Variants in CYFIP1 observed in about 807,000 individuals in gnomAD.
CYFIP1 encodes cytoplasmic FMR1 interacting protein 1.
A neutral mutation model predicts 163.5 loss-of-function variants in CYFIP1; 58 were observed. The ratio of observed to expected loss-of-function variants is 0.35; its 90% CI spans 0.29 to 0.44. The LOEUF is 0.44. Ranked by LOEUF, CYFIP1 falls within the 20% of genes least tolerant of loss-of-function variation. The probability of loss-of-function intolerance (pLI) is 1.00; values close to 1 mark genes in which losing one functional copy is unlikely to be tolerated. For missense variants in CYFIP1, 1,338 were observed against 1,653.8 expected, an observed-to-expected ratio of 0.81 and a Z score of 3.31; for synonymous variants, 663 against 660.7, an observed-to-expected ratio of 1.00 and a Z score of -0.05.
chr15:22,979,445 G>A (rs1217514371), intron 1 of CYFIP1, among the ~76,000 whole-genome samples: 1 of 145,558 alleles, frequency 6.9e-6, no homozygotes, highest in Non-Finnish European at 1.5e-5. Context: ...GGTGCCCTCC[G>A]CCGCCAGAAA....
At chr15:22,877,292 G>A (rs1226662709) in intron 26 of CYFIP1, among the ~76,000 whole-genome samples, 1 of 152,104 alleles carries the variant, frequency 6.6e-6, no homozygotes, top group Admixed American at 6.5e-5. Context: ...TGTTCCCCCA[G>A]AGCTGAAGCA....
Position 22,873,581 on chromosome 15 carries a change from T to C in CYFIP1, c.3359A>G (p.His1120Arg), listed in dbSNP as rs749581542. 3.7e-6 allele frequency: 6 copies of C among 1,614,262 alleles called. No individual in the cohort carries two copies. The East Asian group carries it at 1.3e-4, about 36-fold the overall frequency. Residue 1120 changes from histidine (H) to arginine (R), a missense_variant, in exon 29 of 31, where the codon CAT becomes CGT. Coordinates refer to ENST00000617928, the MANE Select transcript of CYFIP1 (RefSeq NM_014608.6). The part of the protein sequence containing the change: ...RGPLPSNGVM[H>R]VDECVEFHRL... The stretch of plus-strand genomic sequence containing the variant: ...GTGAAACTCCACACACTCGTCCACA[T>C]GCATGACCCCATTGCTGGGCAGAGG...
At chr15:22,923,608 C>A (rs2061258331) in intron 13 of CYFIP1, among the ~76,000 whole-genome samples, 1 of 151,774 alleles carries the variant, frequency 6.6e-6, no homozygotes, top group South Asian at 2.1e-4. Context: ...GCTATACAAT[C>A]AAAAGAAATG....
rs2142017209 is a variant in CYFIP1 at position 22,904,195 on chromosome 15, C to T, written c.2389-290G>A. The T allele has an allele frequency of 8.0e-6, 4 of 498,792 alleles. No homozygotes were observed. The South Asian group carries it at 8.7e-5, about 11-fold the overall frequency. 30.9% of individuals were successfully genotyped at this position (498,792 alleles called of 1,614,324 possible). A position where few individuals can be genotyped will look rare whatever the true frequency, so the allele number is the denominator to read the frequency against. On this transcript the variant is annotated intron_variant, in intron 21 of 30. Coordinates refer to ENST00000617928, the MANE Select transcript of CYFIP1 (RefSeq NM_014608.6). ...TGCACGTGTGGCCTGCTACTGCCAC[C>T]CTTCCCCCCATGTGCCCGCTGAGCC...
chr15:22,935,018 C>T lies in CYFIP1; in HGVS notation c.901-1125G>A, dbSNP rs190412078. ...GCTTCAAATTTTTTAAATGTCCATT[C>T]TCTCAAAATAGATCTATAATCAATC... On this transcript the variant is annotated intron_variant, in intron 9 of 30. Transcript: ENST00000617928. 1.2e-3 allele frequency among the ~76,000 whole-genome samples: 181 copies of T among 152,228 alleles called. 1 individual carries two copies. The highest frequency in any genetic ancestry group is 4.2e-3 in the African/African-American group (175 of 41,536).
At chr15:22,945,560 G>A (rs1174078899) in intron 3 of CYFIP1, among the ~76,000 whole-genome samples, 1 of 151,412 alleles carries the variant, frequency 6.6e-6, no homozygotes, top group African/African-American at 2.4e-5. Flanking sequence ...TTTATTTAGT[G>A]AGACGTTCAT....
chr15:22,928,520 G>C (rs1228056046), intron 11 of CYFIP1, among the ~76,000 whole-genome samples: 2 of 152,228 alleles, frequency 1.3e-5, no homozygotes, highest in African/African-American at 4.8e-5. Context: ...CAGAGCAAGG[G>C]ACAGGCCGCT....
Position 22,892,918 on chromosome 15 carries a change from G to A in CYFIP1, c.2648C>T (p.Ala883Val), listed in dbSNP as rs764624848. The A allele has an allele frequency of 3.7e-6, 6 of 1,613,406 alleles. No homozygotes were observed. The highest frequency in any genetic ancestry group is 4.2e-6 in the Non-Finnish European group (5 of 1,179,498). ...GGATCCATGCAGATACTGAGGCTGT[G>A]CATTAGGCTGCTTATCTCTTTGAAA... Reference protein sequence around the residue: ...QEFQRDKQPNAQPQYLHGSKA... With the variant: ...QEFQRDKQPNVQPQYLHGSKA... The change falls in exon 23 of 31, where the codon GCA (alanine) becomes GTA (valine). Residue 883 changes from alanine to valine, a missense_variant. Coordinates refer to ENST00000617928, the MANE Select transcript of CYFIP1 (RefSeq NM_014608.6).
At chr15:22,901,174 G>C (rs561927483) in intron 22 of CYFIP1, among the ~76,000 whole-genome samples, 2 of 151,454 alleles carry the variant, frequency 1.3e-5, no homozygotes, top group Admixed American at 1.3e-4. Flanking sequence ...CTGCACTCCA[G>C]CCTGGGCAAC....
intron 16 of CYFIP1, 72 bp downstream of exon 16, chr15:22,916,405 C>T (rs964842833): frequency 6.3e-5 from 75 of 1,196,918 alleles, no homozygotes; most frequent in African/African-American, 3.9e-4. Flanking sequence ...GTCAGGCGGG[C>T]GGAAGCATTC....
chr15:22,922,590 G>T (rs1230745746), intron 13 of CYFIP1, among the ~76,000 whole-genome samples: 1 of 152,154 alleles, frequency 6.6e-6, no homozygotes, highest in Non-Finnish European at 1.5e-5. Context: ...GGGGATGGAG[G>T]GTGGTCTGGA....
At chr15:22,963,546 T>TAACA (rs201277584) in intron 1 of CYFIP1, among the ~76,000 whole-genome samples, 3 of 134,730 alleles carry the variant, frequency 2.2e-5, no homozygotes, top group African/African-American at 8.1e-5. Flanking sequence ...TAACATAACA[T>TAACA]AACATAACAT....
In CYFIP1 at chr15:22,872,814, C is replaced by T; in HGVS notation, c.3597+11G>A. Reference sequence around the variant, plus strand: ...AGGTCCATAGATGGTGCGAGATTTTCATCCACATACCACATTTTTAATAAT... The same window carrying T: ...AGGTCCATAGATGGTGCGAGATTTTTATCCACATACCACATTTTTAATAAT... On this transcript the variant is annotated intron_variant, in intron 30 of 30. Coordinates refer to ENST00000617928, the MANE Select transcript of CYFIP1 (RefSeq NM_014608.6). The T allele has an allele frequency of 6.2e-7, 1 of 1,613,396 alleles. No homozygotes were observed. Among genetic ancestry groups the T allele is most frequent in the Non-Finnish European group, 8.5e-7 (1 of 1,179,432 alleles).
At chr15:22,960,346 G>A (rs1332234239) in intron 1 of CYFIP1, among the ~76,000 whole-genome samples, 1 of 152,200 alleles carries the variant, frequency 6.6e-6, no homozygotes, top group Non-Finnish European at 1.5e-5. Flanking sequence ...CTGTGCCTTC[G>A]GGTGCCCCAT....
intron 30 of CYFIP1, 89 bp downstream of exon 30, chr15:22,872,736 A>G: frequency 2.1e-6 from 3 of 1,410,638 alleles, no homozygotes; most frequent in Non-Finnish European, 2.9e-6. Context: ...CTAGGATGAA[A>G]AACATTGCCA....
intron 13 of CYFIP1, among the ~76,000 whole-genome samples, chr15:22,921,864 T>C (rs1448264699): frequency 6.7e-6 from 1 of 148,470 alleles, no homozygotes; most frequent in South Asian, 2.1e-4. Context: ...TATGAAAAAA[T>C]ACTGTCATAG....
intron 25 of CYFIP1, among the ~76,000 whole-genome samples, chr15:22,880,988 C>T (rs185252803): frequency 2.6e-5 from 4 of 152,302 alleles, no homozygotes; most frequent in Admixed American, 6.5e-5. Context: ...CCCAGCATTC[C>T]TCCTCTACTT....
intron 1 of CYFIP1, among the ~76,000 whole-genome samples, chr15:22,975,221 T>C: frequency 6.6e-6 from 1 of 152,116 alleles, no homozygotes. Flanking sequence ...TAGTTTTAAC[T>C]TTTGGGAAGT....
intron 8 of CYFIP1, among the ~76,000 whole-genome samples, chr15:22,937,907 A>G (rs2061768442): frequency 6.6e-6 from 1 of 152,164 alleles, no homozygotes; most frequent in South Asian, 2.1e-4. Context: ...CCCAGTCACA[A>G]ACTAAAAATT....
Sources: gnomAD v4.1 joint callset for allele counts (sites outside exome capture counted in the v4.1 genomes callset) on GRCh38, gnomAD v4.1.1 for gene constraint, MANE v1.5 for transcripts, NCBI Gene and HGNC (gene_info 2026-07-23, HGNC 2026-07-21) for gene names.